Variants in IP6K1 observed in about 807,000 individuals in gnomAD.
IP6K1 encodes inositol hexakisphosphate kinase 1.
Under a neutral mutation model 38.3 loss-of-function variants are expected in IP6K1, and 13 were observed. The observed-to-expected ratio is 0.34, with a 90% CI of 0.22 to 0.54. The LOEUF (loss-of-function observed/expected upper bound fraction) is 0.54, where lower values mean the gene tolerates loss of function less well. Among genes scored for constraint, IP6K1 ranks in the 20% least tolerant of loss-of-function variants. The pLI is 0.92. For missense variants in IP6K1, 397 were observed against 599.8 expected (o/e 0.66, Z 3.53); for synonymous variants, 212 against 229.9 (o/e 0.92, Z 0.70).
chr3:49,761,928 A>C (rs899155665), intron 1 of IP6K1, among the ~76,000 whole-genome samples: 3 of 151,980 alleles, frequency 2.0e-5, no homozygotes, highest in African/African-American at 4.8e-5. Flanking sequence ...CCTGGGTGAC[A>C]GAGTGAAACC....
chr3:49,742,345 T>C (rs796506768), intron 2 of IP6K1, among the ~76,000 whole-genome samples: 34 of 152,004 alleles, frequency 2.2e-4, no homozygotes, highest in African/African-American at 4.6e-4. Flanking sequence ...GTCAGGAGAT[T>C]GAGACCATCC....
intron 4 of IP6K1, among the ~76,000 whole-genome samples, chr3:49,728,645 G>A (rs977150955): frequency 4.6e-5 from 7 of 151,704 alleles, no homozygotes; most frequent in South Asian, 4.2e-4. Flanking sequence ...GAGTGATCTC[G>A]GCTAACTGCA....
rs1376771279 is a variant in IP6K1 at position 49,726,763 on chromosome 3, T to TA, written c.*358dup. On this transcript the variant is annotated 3_prime_UTR_variant, in exon 6 of 6. Coordinates refer to ENST00000321599, the MANE Select transcript of IP6K1 (RefSeq NM_153273.4). Reference sequence around the variant, plus strand: ...CCTGCACCAGCCCAGGGCTTTACCTTACAATCAGCAGGGCCCTGCAGCCAC... The same window carrying TA: ...CCTGCACCAGCCCAGGGCTTTACCTTAACAATCAGCAGGGCCCTGCAGCCAC... The TA allele has an allele frequency of 5.8e-6, 2 of 344,878 alleles. No homozygotes were observed. Among genetic ancestry groups the TA allele is most frequent in the Non-Finnish European group, 1.0e-5 (2 of 191,776 alleles). The allele number at this position is 344,878 out of a possible 1,614,324, so 21.4% of individuals were successfully genotyped here. A position where few individuals can be genotyped will look rare whatever the true frequency, so the allele number is the denominator to read the frequency against.
At chr3:49,739,355 CTTTT>C (rs778966835) in intron 2 of IP6K1, among the ~76,000 whole-genome samples, 1 of 135,606 alleles carries the variant, frequency 7.4e-6, no homozygotes, top group Non-Finnish European at 1.6e-5. Flanking sequence ...GCTTAAAGTT[CTTTT>C]TTTTTTTTTT....
intron 1 of IP6K1, among the ~76,000 whole-genome samples, chr3:49,784,666 G>T (rs1214329322): frequency 1.4e-5 from 2 of 147,154 alleles, no homozygotes; most frequent in Non-Finnish European, 3.0e-5. Flanking sequence ...AAAAAAGTAG[G>T]CTTGGCGCGG....
At chr3:49,781,604 G>A (rs1185204133) in intron 1 of IP6K1, among the ~76,000 whole-genome samples, 3 of 152,176 alleles carry the variant, frequency 2.0e-5, no homozygotes, top group African/African-American at 4.8e-5. Flanking sequence ...CAGAGAAAGA[G>A]TATGTATGGA....
intron 1 of IP6K1, among the ~76,000 whole-genome samples, chr3:49,749,600 C>A (rs540183045): frequency 6.6e-6 from 1 of 151,766 alleles, no homozygotes; most frequent in Non-Finnish European, 1.5e-5. Flanking sequence ...AAATGGGGTA[C>A]AAAATACCAC....
intron 1 of IP6K1, chr3:49,775,581 G>A (rs1196528120): frequency 3.0e-6 from 3 of 988,092 alleles, no homozygotes; most frequent in African/African-American, 1.6e-5. Flanking sequence ...CCTCTTCTAC[G>A]AACACAAAAA....
chr3:49,747,567 C>A (rs2108237034), intron 2 of IP6K1, among the ~76,000 whole-genome samples: 2 of 152,338 alleles, frequency 1.3e-5, no homozygotes. Flanking sequence ...CTGACAACAG[C>A]ATGCTCTTTT....
intron 1 of IP6K1, among the ~76,000 whole-genome samples, chr3:49,781,681 T>C (rs2081067069): frequency 6.6e-6 from 1 of 152,162 alleles, no homozygotes; most frequent in African/African-American, 2.4e-5. Flanking sequence ...TGGAGCCAGC[T>C]GGACTATATC....
At chr3:49,728,353 T>C (rs991699529) in intron 4 of IP6K1, 75 bp from the exon 5 acceptor site, 4 of 1,468,664 alleles carry the variant, frequency 2.7e-6, no homozygotes, top group African/African-American at 2.8e-5. Context: ...CCAGTTTTTC[T>C]ATAAAAGGGG....
intron 1 of IP6K1, among the ~76,000 whole-genome samples, chr3:49,764,297 G>A (rs538914256): frequency 3.9e-5 from 6 of 152,148 alleles, no homozygotes; most frequent in Admixed American, 6.6e-5. Context: ...TGGGAGGATT[G>A]CTTAATTTCA....
chr3:49,747,224 T>C (rs1575312907), intron 2 of IP6K1, among the ~76,000 whole-genome samples: 1 of 152,178 alleles, frequency 6.6e-6, no homozygotes, highest in East Asian at 1.9e-4. Context: ...TGAGCAATCA[T>C]AAAAATTTAT....
intron 1 of IP6K1, among the ~76,000 whole-genome samples, chr3:49,769,685 T>G (rs989952377): frequency 1.3e-5 from 2 of 152,210 alleles, no homozygotes; most frequent in Non-Finnish European, 2.9e-5. Context: ...ATGGCAGAAG[T>G]GACAGTGTAT....
chr3:49,731,907 G>GAAAAAAAAAAAAAAAAA (rs1277207284), intron 4 of IP6K1, among the ~76,000 whole-genome samples: 2 of 69,080 alleles, frequency 2.9e-5, no homozygotes, highest in African/African-American at 4.2e-5. Flanking sequence ...AAAAAAAAAG[G>GAAAAAAAAAAAAAAAAA]AATTCCTATG....
At chr3:49,784,445 G>C (rs13084243) in intron 1 of IP6K1, among the ~76,000 whole-genome samples, 36,380 of 151,866 alleles carry the variant, frequency 0.24, 4,883 homozygotes, top group Non-Finnish European at 0.31. Context: ...AGGAGTTCGA[G>C]ATCAGCCTGA....
intron 1 of IP6K1, among the ~76,000 whole-genome samples, chr3:49,749,830 C>CTTTTT (rs35363121): frequency 9.1e-6 from 1 of 109,644 alleles, no homozygotes; most frequent in African/African-American, 3.3e-5. Context: ...ACATACACTT[C>CTTTTT]TTTTTTTTTT....
At chr3:49,773,047 A>G (rs2080973133) in intron 1 of IP6K1, among the ~76,000 whole-genome samples, 1 of 151,746 alleles carries the variant, frequency 6.6e-6, no homozygotes, top group African/African-American at 2.4e-5. Context: ...CTGGTTTTGA[A>G]CTTCTAAGCT....
intron 5 of IP6K1, 73 bp downstream of exon 5, chr3:49,728,030 A>G: frequency 6.8e-7 from 1 of 1,469,568 alleles, no homozygotes; most frequent in South Asian, 1.2e-5. Flanking sequence ...CTTGGCATAG[A>G]TGGCAGGCAG....
Sources: gnomAD v4.1 joint callset for allele counts (sites outside exome capture counted in the v4.1 genomes callset) on GRCh38, gnomAD v4.1.1 for gene constraint, MANE v1.5 for transcripts, NCBI Gene and HGNC (gene_info 2026-07-23, HGNC 2026-07-21) for gene names.